Variants in CFAP57 observed in about 807,000 individuals in gnomAD.
The protein encoded by CFAP57 is cilia and flagella associated protein 57, also known as cilia- and flagella-associated protein 57.
In CFAP57, 116 loss-of-function variants were observed where a neutral mutation model predicts 146.8. The observed-to-expected ratio is 0.79, with a 90% confidence interval of 0.68 to 0.92. The LOEUF (loss-of-function observed/expected upper bound fraction) is 0.92. CFAP57 is among the 40% of genes least tolerant of loss of function. The pLI is 0.00. For missense variants in CFAP57, 1,377 were observed against 1,527.2 expected, an observed-to-expected ratio of 0.90 and a Z score of 1.64; for synonymous variants, 518 against 552.8, an observed-to-expected ratio of 0.94 and a Z score of 0.88.
intron 16 of CFAP57, among the ~76,000 whole-genome samples, chr1:43,223,482 G>T (rs767806535): frequency 6.6e-6 from 1 of 152,138 alleles, no homozygotes; most frequent in Non-Finnish European, 1.5e-5. Flanking sequence ...TTACAAAGTG[G>T]GGAAGATGTT....
Position 43,243,325 on chromosome 1 carries a change from C to A in CFAP57, c.3504C>A (p.Thr1168=), listed in dbSNP as rs1454380136. 6.5e-7 allele frequency: 1 copy of A among 1,540,222 alleles called. No individual in the cohort carries two copies. Among genetic ancestry groups the A allele is most frequent in the Admixed American group, 2.0e-5 (1 of 50,090 alleles). ...VYDLEAALKL[T]KKVRPQEVSE... ...ACCTTGAAGCAGCTCTGAAACTGAC[C>A]AAGAAAGTCCGACCACAAGAAGTTT... Residue 1168 remains threonine, a synonymous_variant, in exon 22 of 23, where the codon ACC becomes ACA. Transcript: ENST00000372492.
Position 43,229,762 on chromosome 1 carries a change from A to G in CFAP57, c.3009+2636A>G, listed in dbSNP as rs977273823. ...ATTTTGAGGTAGGTAATTCTCTGTC[A>G]TGGAGGGTCTGTCCTGTATATTGTA... On this transcript the variant is annotated intron_variant, in intron 18 of 22. Coordinates refer to ENST00000372492, the MANE Select transcript of CFAP57 (RefSeq NM_001378189.1). Among the ~76,000 whole-genome samples the G allele has an allele frequency of 2.9e-5, 4 of 138,788 alleles. 1 individual carries two copies. Among genetic ancestry groups the G allele is most frequent in the Non-Finnish European group, 6.2e-5 (4 of 64,726 alleles). The allele number at this position is 138,788 out of a possible 152,430, so 91.1% of individuals were successfully genotyped here.
chr1:43,203,507 C>G (rs759996989), intron 9 of CFAP57, among the ~76,000 whole-genome samples: 88 of 152,230 alleles, frequency 5.8e-4, no homozygotes, highest in Admixed American at 2.7e-3. Context: ...TGTCACCAGG[C>G]TGGAGTGCAG....
rs1182023521 is a variant in CFAP57 at position 43,226,978 on chromosome 1, C to G, written c.2866-5C>G. On this transcript the variant is annotated splice_region_variant and splice_polypyrimidine_tract_variant and intron_variant, in intron 17 of 22. Coordinates refer to ENST00000372492, the MANE Select transcript of CFAP57 (RefSeq NM_001378189.1). The stretch of plus-strand genomic sequence containing the variant: ...TCTCTCACTTCTCTCTCATCTCACC[C>G]CCAGGAGAAGCGAATTTATGATCTG... 1.3e-6 allele frequency: 2 copies of G among 1,505,766 alleles called. No individual in the cohort carries two copies. The highest frequency in any genetic ancestry group is 1.8e-6 in the Non-Finnish European group (2 of 1,127,264). The allele number at this position is 1,505,766 out of a possible 1,614,324, so 93.3% of individuals were successfully genotyped here.
intron 9 of CFAP57, among the ~76,000 whole-genome samples, chr1:43,200,566 A>T (rs1219704024): frequency 1.3e-5 from 2 of 152,242 alleles, no homozygotes; most frequent in South Asian, 2.1e-4. Context: ...AGAGTAGTAG[A>T]TTAGATGTGA....
At chr1:43,217,925 T>C (rs902559891) in intron 12 of CFAP57, among the ~76,000 whole-genome samples, 1 of 152,186 alleles carries the variant, frequency 6.6e-6, no homozygotes, top group Non-Finnish European at 1.5e-5. Flanking sequence ...TGGCTGCCCC[T>C]TCCTATACAT....
At chr1:43,195,307 A>G (rs573517833) in intron 6 of CFAP57, among the ~76,000 whole-genome samples, 1 of 152,098 alleles carries the variant, frequency 6.6e-6, no homozygotes, top group South Asian at 2.1e-4. Context: ...GTGGATCACA[A>G]GGTCAAGAGA....
In CFAP57 at chr1:43,197,637, C is replaced by G; in HGVS notation, c.1207C>G (p.Leu403Val). The change falls in exon 7 of 23, where the codon CTT (leucine) becomes GTT (valine). Residue 403 changes from leucine to valine, a missense_variant. By Grantham distance (32) the Leu-to-Val change is conservative (BLOSUM62 1). Transcript: ENST00000372492. Reference protein sequence around the residue: ...TGLATCIRKPLIATCSLDRSI... With the variant: ...TGLATCIRKPVIATCSLDRSI... ...TCTAGCTACCTGCATCCGCAAACCC[C>G]TTATAGCCACCTGTTCTCTGGATCG... 6.2e-7 allele frequency: 1 copy of G among 1,614,160 alleles called. No homozygotes were observed.
intron 22 of CFAP57, among the ~76,000 whole-genome samples, chr1:43,249,265 T>A (rs975287121): frequency 1.3e-5 from 2 of 151,938 alleles, no homozygotes; most frequent in African/African-American, 4.8e-5. Context: ...AAAAATAATT[T>A]TAAGATTTTA....
chr1:43,211,631 T>G (rs369668665), intron 11 of CFAP57: 81 of 152,192 alleles, frequency 5.3e-4, no homozygotes, highest in African/African-American at 1.8e-3. Flanking sequence ...ATGCATTTCC[T>G]TCTACATTTC....
chr1:43,186,869 T>C lies in CFAP57; in HGVS notation c.1122+10T>C, dbSNP rs1643161279. The C allele has an allele frequency of 1.9e-6, 3 of 1,613,992 alleles. No homozygotes were observed. The highest frequency in any genetic ancestry group is 8.5e-7 in the Non-Finnish European group (1 of 1,180,016). ...GACAGAGATCAGCAAGGTGAGTCTT[T>C]CCAGCAATGGTCCTTCCAGACCAGG... On this transcript the variant is annotated intron_variant, in intron 6 of 22. Coordinates refer to ENST00000372492, the MANE Select transcript of CFAP57 (RefSeq NM_001378189.1).
chr1:43,188,046 C>T (rs6429614), intron 6 of CFAP57, among the ~76,000 whole-genome samples: 27,416 of 152,072 alleles, frequency 0.18, 3,583 homozygotes, highest in African/African-American at 0.35. Flanking sequence ...TCAAGCAGTC[C>T]ACCCGCCTCA....
chr1:43,175,554 A>G (rs1202077966), intron 2 of CFAP57, among the ~76,000 whole-genome samples: 2 of 151,954 alleles, frequency 1.3e-5, no homozygotes, highest in Non-Finnish European at 2.9e-5. Context: ...TCTGTTGCCC[A>G]GGCTGGAGTG....
chr1:43,235,110 C>T (rs1255290965), intron 21 of CFAP57, among the ~76,000 whole-genome samples: 1 of 152,112 alleles, frequency 6.6e-6, no homozygotes, highest in Non-Finnish European at 1.5e-5. Context: ...ACCCATATCT[C>T]GTGGCCACGC....
chr1:43,240,739 GA>G (rs1645881301), intron 21 of CFAP57, among the ~76,000 whole-genome samples: 1 of 152,184 alleles, frequency 6.6e-6, no homozygotes, highest in South Asian at 2.1e-4. Flanking sequence ...GGCTGTACAG[GA>G]AGCATGGCAC....
At chr1:43,249,456 G>A (rs1361713842) in intron 22 of CFAP57, among the ~76,000 whole-genome samples, 1 of 106,130 alleles carries the variant, frequency 9.4e-6, no homozygotes, top group African/African-American at 3.6e-5. Flanking sequence ...TTGAGATGGA[G>A]TCTTGCTGTG....
intron 18 of CFAP57, among the ~76,000 whole-genome samples, chr1:43,230,409 T>G (rs522909): frequency 0.15 from 22,502 of 152,132 alleles, 2,014 homozygotes; most frequent in African/African-American, 0.24. Flanking sequence ...AGATGCAAAT[T>G]ACATCATTCC....
chr1:43,179,114 A>C (rs1431388304), intron 2 of CFAP57, among the ~76,000 whole-genome samples: 1 of 152,120 alleles, frequency 6.6e-6, no homozygotes, highest in African/African-American at 2.4e-5. Flanking sequence ...GAAAGGGAAC[A>C]TCACACACCG....
chr1:43,183,196 C>T (rs1309344380), intron 3 of CFAP57, among the ~76,000 whole-genome samples: 1 of 152,194 alleles, frequency 6.6e-6, no homozygotes, highest in African/African-American at 2.4e-5. Context: ...GAAGGATGTT[C>T]AGTTGGTAGG....
Sources: gnomAD v4.1 joint callset for allele counts (sites outside exome capture counted in the v4.1 genomes callset) on GRCh38, gnomAD v4.1.1 for gene constraint, MANE v1.5 for transcripts, NCBI Gene and HGNC (gene_info 2026-07-23, HGNC 2026-07-21) for gene names.